ERBB3: variants seen among roughly 807,000 people sequenced by gnomAD.
The protein encoded by ERBB3 is receptor tyrosine-protein kinase erbB-3.
A neutral mutation model predicts 156.7 loss-of-function variants in ERBB3; 96 were observed. The observed-to-expected ratio is 0.61, with a 90% CI of 0.52 to 0.73. The LOEUF is 0.73. ERBB3 is among the 30% of genes least tolerant of loss of function. The pLI is 0.00. For missense variants in ERBB3, 1,406 were observed against 1,709.4 expected (o/e 0.82, Z 3.13); for synonymous variants, 567 against 632.0 (o/e 0.90, Z 1.54).
At chr12:56,087,970 A>G (rs1427766302) in intron 6 of ERBB3, 51 bp from the exon 7 acceptor site, 6 of 1,613,598 alleles carry the variant, frequency 3.7e-6, no homozygotes, top group Non-Finnish European at 5.1e-6. Context: ...TTTGAGGAGG[A>G]GGTAGGGGTA....
In ERBB3 at chr12:56,092,814, A is replaced by G; in HGVS notation, c.1177A>G (p.Ile393Val). The stretch of plus-strand genomic sequence containing the variant: ...CAATGTCTTCCGGACAGTACGGGAG[A>G]TCACAGGTGAGTGGCAGAGAGTTTG... ...KLNVFRTVRE[I>V]TGYLNIQSWP... Residue 393 changes from isoleucine to valine, a missense_variant, in exon 10 of 28, where the codon ATC (isoleucine) becomes GTC (valine). Ile to Val is a conservative substitution (Grantham distance 29). This residue lies in a region of ERBB3 where 979 missense variants were observed against 1,219.6 expected (regional missense o/e 0.80). Transcript: ENST00000267101. 1 of 1,614,002 alleles carries G rather than the reference A, an allele frequency of 6.2e-7. No homozygotes were observed. Among genetic ancestry groups the G allele is most frequent in the East Asian group, 2.2e-5 (1 of 44,890 alleles).
At position 56,102,129 on chromosome 12, in the gene ERBB3, T is replaced by C; in HGVS notation, c.*74T>C. On this transcript the variant is annotated 3_prime_UTR_variant, in exon 28 of 28. Coordinates refer to ENST00000267101, the MANE Select transcript of ERBB3 (RefSeq NM_001982.4). ...TTTAGAGGGTACCGTCTTCTCCCTA[T>C]TCCCTCTCTCTCCCAGGTCCCAGCC... The C allele has an allele frequency of 1.5e-6, 2 of 1,313,148 alleles. No homozygotes were observed. The highest frequency in any genetic ancestry group is 2.2e-6 in the Non-Finnish European group (2 of 919,544). The allele number at this position is 1,313,148 out of a possible 1,614,324, so 81.3% of individuals were successfully genotyped here. A position where few individuals can be genotyped will look rare whatever the true frequency, so the allele number is the denominator to read the frequency against.
Position 56,097,064 on chromosome 12 carries a change from G to A in ERBB3, c.2294G>A (p.Ser765Asn). Residue 765 changes from serine (S) to asparagine (N), a missense_variant, in exon 20 of 28, where the codon AGC becomes AAC. Ser to Asn is a conservative substitution (Grantham distance 46). Transcript: ENST00000267101. The stretch of plus-strand genomic sequence containing the variant: ...TCTTAGCATATGCTGGCCATTGGCA[G>A]CCTGGACCATGCCCACATTGTAAGG... Reference protein sequence around the residue: ...AVTDHMLAIGSLDHAHIVRLL... With the variant: ...AVTDHMLAIGNLDHAHIVRLL... 1 of 1,614,108 alleles carries A rather than the reference G, an allele frequency of 6.2e-7. No individual in the cohort carries two copies. The highest frequency in any genetic ancestry group is 8.5e-7 in the Non-Finnish European group (1 of 1,180,010).
Position 56,095,823 on chromosome 12 carries a change from C to CT in ERBB3, c.2055+21dup. 6.2e-7 allele frequency: 1 copy of CT among 1,614,014 alleles called. No individual in the cohort carries two copies. Among genetic ancestry groups the CT allele is most frequent in the Non-Finnish European group, 8.5e-7 (1 of 1,179,932 alleles). The stretch of plus-strand genomic sequence containing the variant: ...CGGGGTGAGGTGAGTACTTAGCTTA[C>CT]TTTTGTTTTTTCTTTTCTTTTTTTG... On this transcript the variant is annotated intron_variant, in intron 17 of 27. Transcript: ENST00000267101.
At chr12:56,081,053 C>T (rs773427601) in intron 1 of ERBB3, among the ~76,000 whole-genome samples, 1 of 152,200 alleles carries the variant, frequency 6.6e-6, no homozygotes, top group Non-Finnish European at 1.5e-5. Context: ...GTCAACACAA[C>T]TCATATTTAT....
chr12:56,097,913 T>C lies in ERBB3; in HGVS notation c.2589T>C (p.Asp863=), dbSNP rs1345526788. 1 of 1,613,584 alleles carries C rather than the reference T, an allele frequency of 6.2e-7. No individual in the cohort carries two copies. Among genetic ancestry groups the C allele is most frequent in the Non-Finnish European group, 8.5e-7 (1 of 1,180,018 alleles). The change falls in exon 21 of 28, where the codon GAT becomes GAC. Residue 863 remains aspartate, a synonymous_variant. Transcript: ENST00000267101. ...FGVADLLPPD[D]KQLLYSEAKT... is the part of the protein sequence containing the mutation. ...TGGCTGACCTGCTGCCTCCTGATGATAAGCAGCTGCTATACAGTGAGGCCA... is the reference window on the plus strand; with the variant it reads ...TGGCTGACCTGCTGCCTCCTGATGACAAGCAGCTGCTATACAGTGAGGCCA...
chr12:56,094,547 G>A lies in ERBB3; in HGVS notation c.1850G>A (p.Cys617Tyr). ...GAATGTCGGCCCTGCCATGAGAACT[G>A]CACCCAGGGGTCAGTGATGGGATAA... is the stretch of plus-strand genomic sequence containing the variant. ...QNECRPCHENCTQGCKGPELQ... is the reference protein window; with the variant it reads ...QNECRPCHENYTQGCKGPELQ... Residue 617 changes from cysteine to tyrosine, a missense_variant, in exon 15 of 28, where the codon TGC (cysteine) becomes TAC (tyrosine). By Grantham distance (194) the Cys-to-Tyr change is radical (BLOSUM62 -2). This residue lies in a region of ERBB3 where 979 missense variants were observed against 1,219.6 expected (regional missense o/e 0.80). Coordinates refer to ENST00000267101, the MANE Select transcript of ERBB3 (RefSeq NM_001982.4). 1 of 1,613,984 alleles carries A rather than the reference G, an allele frequency of 6.2e-7. No homozygotes were observed. The highest frequency in any genetic ancestry group is 8.5e-7 in the Non-Finnish European group (1 of 1,180,028).
At chr12:56,083,215 C>T in intron 1 of ERBB3, 1 of 195,532 alleles carries the variant, frequency 5.1e-6, no homozygotes, top group South Asian at 1.0e-4. Flanking sequence ...GATAGAATCG[C>T]CTCATTGTGG....
At chr12:56,100,737 C>G (rs556070672) in intron 26 of ERBB3, among the ~76,000 whole-genome samples, 1 of 149,896 alleles carries the variant, frequency 6.7e-6, no homozygotes, top group South Asian at 2.1e-4. Context: ...GTCAGGAGTT[C>G]GAGACCAGCC....
In ERBB3 at chr12:56,093,894, T is replaced by C. The variant is rs1565859497; in HGVS notation, c.1611T>C (p.Asn537=). The C allele has an allele frequency of 1.9e-6, 3 of 1,608,046 alleles. No individual in the cohort carries two copies. Among genetic ancestry groups the C allele is most frequent in the East Asian group, 2.2e-5 (1 of 44,642 alleles). Residue 537 remains asparagine (N), a splice_region_variant and synonymous_variant, in exon 13 of 28, where the codon AAT becomes AAC. Coordinates refer to ENST00000267101, the MANE Select transcript of ERBB3 (RefSeq NM_001982.4). ...GVCVTHCNFL[N]GEPREFAHEA... is the part of the protein sequence containing the mutation. ...GTGTGACCCACTGCAACTTTCTGAA[T>C]GGGTACAGTAAGGGGAGCCAGTCAA...
chr12:56,093,582 T>C, intron 12 of ERBB3, 32 bp downstream of exon 12: 2 of 1,598,320 alleles, frequency 1.3e-6, no homozygotes, highest in Non-Finnish European at 1.7e-6. Context: ...GTGGTGAGAA[T>C]AGGGAGTCAG....
chr12:56,092,679 G>T (rs1868752647), intron 9 of ERBB3, 68 bp from the exon 10 acceptor site: 1 of 1,061,946 alleles, frequency 9.4e-7, no homozygotes, highest in Non-Finnish European at 1.5e-6. Context: ...AAATGCTGAG[G>T]CTGGGTGTGC....
chr12:56,096,477 G>A (rs1440627779), intron 17 of ERBB3, 26 bp from the exon 18 acceptor site: 9 of 1,613,262 alleles, frequency 5.6e-6, no homozygotes, highest in Non-Finnish European at 6.8e-6. Flanking sequence ...CCTTTCCTGA[G>A]TAACTCCTTC....
chr12:56,092,521 T>A (rs1043117653), intron 9 of ERBB3, among the ~76,000 whole-genome samples: 8 of 151,898 alleles, frequency 5.3e-5, no homozygotes, highest in Non-Finnish European at 1.2e-4. Context: ...CCCTCCAAGT[T>A]GGCTCCTGTG....
At chr12:56,098,234 C>G in intron 21 of ERBB3, 1 of 508,654 alleles carries the variant, frequency 2.0e-6, no homozygotes, top group East Asian at 3.3e-5. Context: ...GAAACCCCGT[C>G]TCTACTAAAT....
chr12:56,088,561 A>C lies in ERBB3; in HGVS notation c.893A>C (p.Gln298Pro), dbSNP rs1868562880. ...TCCCTAGATAACTTTGTGGTGGATC[A>C]AACATCCTGTGTCAGGGCCTGTCCT... Reference protein sequence around the residue: ...ASCPHNFVVDQTSCVRACPPD... With the variant: ...ASCPHNFVVDPTSCVRACPPD... Residue 298 changes from glutamine (Q) to proline (P), a missense_variant, in exon 8 of 28, where the codon CAA becomes CCA. Transcript: ENST00000267101. 3.1e-6 allele frequency: 5 copies of C among 1,613,740 alleles called. No homozygotes were observed. Among genetic ancestry groups the C allele is most frequent in the Non-Finnish European group, 4.2e-6 (5 of 1,179,728 alleles).
In ERBB3 at chr12:56,096,783, T is replaced by C; in HGVS notation, c.2211T>C (p.Ile737=). The change falls in exon 19 of 28, where the codon ATT becomes ATC. Residue 737 remains isoleucine, a synonymous_variant. Transcript: ENST00000267101. ...VWIPEGESIK[I]PVCIKVIEDK... is the part of the protein sequence containing the mutation. ...TCCCTGAGGGTGAATCAATCAAGAT[T>C]CCAGTCTGCATTAAAGTCATTGAGG... 6.2e-7 allele frequency: 1 copy of C among 1,613,860 alleles called. No homozygotes were observed. The highest frequency in any genetic ancestry group is 8.5e-7 in the Non-Finnish European group (1 of 1,179,920).
At chr12:56,084,855 T>A (rs895162124) in intron 2 of ERBB3, 140 bp from the exon 3 acceptor site, 214 of 1,419,766 alleles carry the variant, frequency 1.5e-4, no homozygotes, top group Admixed American at 4.3e-4. Flanking sequence ...TCTCAAATTT[T>A]AAAAAAAAGA....
In ERBB3 at chr12:56,092,745, A is replaced by T; in HGVS notation, c.1110-2A>T. On this transcript the variant is annotated splice_acceptor_variant, in intron 9 of 27. Transcript: ENST00000267101. LOFTEE classifies it high-confidence loss of function. ...TTGACTGGTTTCTACTGTTCTATTC[A>T]GAGACCCCTGGCACAAGATCCCTGC... The T allele has an allele frequency of 6.2e-7, 1 of 1,612,878 alleles. No individual in the cohort carries two copies. Among genetic ancestry groups the T allele is most frequent in the Non-Finnish European group, 8.5e-7 (1 of 1,178,854 alleles).
Sources: allele counts gnomAD v4.1 joint callset (sites outside exome capture counted in the v4.1 genomes callset), GRCh38; gene constraint gnomAD v4.1.1; regional missense constraint gnomAD v4.1.1; transcripts MANE v1.5; gene names NCBI Gene and HGNC (gene_info 2026-07-23, HGNC 2026-07-21).